The following KLHL21 variants were observed in gnomAD, a reference collection of about 807,000 sequenced individuals.
KLHL21 encodes kelch like family member 21.
Under a neutral mutation model 44.1 loss-of-function variants are expected in KLHL21, and 42 were observed. The observed-to-expected ratio is 0.95, with a 90% CI of 0.74 to 1.23. The LOEUF (loss-of-function observed/expected upper bound fraction) is 1.23. KLHL21 is among the 50% of genes most tolerant of loss of function. The pLI, the probability that KLHL21 is intolerant of heterozygous loss-of-function variation, is 0.00. For missense variants in KLHL21, 918 were observed against 889.1 expected (o/e 1.03, Z -0.41); for synonymous variants, 524 against 411.6 (o/e 1.27, Z -3.31).
chr1:6,599,530 G>A (rs1207516405), intron 1 of KLHL21, 78 bp from the exon 2 acceptor site: 15 of 1,432,436 alleles, frequency 1.0e-5, no homozygotes, highest in Admixed American at 2.2e-5. Context: ...ACTTCCGCAA[G>A]GGCCTCTGCC....
rs143513148 is a variant in KLHL21 at position 6,593,396 on chromosome 1, C to T, written c.1763G>A (p.Arg588Gln). 5.9e-5 allele frequency: 95 copies of T among 1,604,710 alleles called. No individual in the cohort carries two copies. In the African/African-American group the frequency reaches 1.0e-3, roughly 17 times the overall value. ...CAGCTCATCGGGGTCCCGCGGCGGC[C>T]GGGGTCGGCCTGGGTCCATGTCATC... is the stretch of plus-strand genomic sequence containing the variant. ...GSDDMDPGRPRPPRDPDELH is the reference protein window; with the variant it reads ...GSDDMDPGRPQPPRDPDELH The change falls in exon 4 of 4, where the codon CGG becomes CAG. Residue 588 changes from arginine (R) to glutamine (Q), a missense_variant. Coordinates refer to ENST00000377658, the MANE Select transcript of KLHL21 (RefSeq NM_014851.4).
chr1:6,602,287 T>G lies in KLHL21; in HGVS notation c.531A>C (p.Pro177=). The change falls in exon 1 of 4, where the codon CCA becomes CCC. Residue 177 remains proline, a synonymous_variant. Coordinates refer to ENST00000377658, the MANE Select transcript of KLHL21 (RefSeq NM_014851.4). ...ELGAEQLERL[P]LARLLRYLRD... ...GCAGGTAGCGCAGCAGGCGCGCCAG[T>G]GGCAGCCGCTCCAGCTGCTCGGCGC... 6.4e-7 allele frequency: 1 copy of G among 1,556,296 alleles called. No homozygotes were observed. Among genetic ancestry groups the G allele is most frequent in the Admixed American group, 1.8e-5 (1 of 54,702 alleles).
At position 6,602,656 on chromosome 1, in the gene KLHL21, C is replaced by T. The variant is rs756652603; in HGVS notation, c.162G>A (p.Leu54=). The change falls in exon 1 of 4, where the codon CTG becomes CTA. Residue 54 remains leucine (L), a synonymous_variant. Transcript: ENST00000377658. ...CGCGGAAGTAGGGGCTGGCGGCGGC[C>T]AGCACCGCACGGTGCGCCGGGAAGT... ...GRDFPAHRAV[L]AAASPYFRAM... is the part of the protein sequence containing the mutation. 8 of 1,509,686 alleles carry T rather than the reference C, an allele frequency of 5.3e-6. No individual in the cohort carries two copies. In the Middle Eastern group the frequency reaches 9.5e-4, roughly 179 times the overall value. 93.5% of individuals were successfully genotyped at this position (1,509,686 alleles called of 1,614,324 possible).
chr1:6,601,838 C>T lies in KLHL21; in HGVS notation c.980G>A (p.Gly327Asp), dbSNP rs1227951241. Residue 327 changes from glycine to aspartate, a missense_variant, in exon 1 of 4, where the codon GGC (glycine) becomes GAC (aspartate). Gly to Asp is a moderately conservative substitution (Grantham distance 94, BLOSUM62 -1). Transcript: ENST00000377658. ...ATTGCCCAGCGCCACGATGCTGTAG[C>T]CTCCGCCCAGGTGGTCTGGGAACTC... Reference protein sequence around the residue: ...LAEFPDHLGGGYSIVALGNDI... With the variant: ...LAEFPDHLGGDYSIVALGNDI... The T allele has an allele frequency of 6.9e-6, 11 of 1,585,652 alleles. No individual in the cohort carries two copies. Among genetic ancestry groups the T allele is most frequent in the Non-Finnish European group, 9.4e-6 (11 of 1,166,926 alleles).
At position 6,599,056 on chromosome 1, in the gene KLHL21, T is replaced by A; in HGVS notation, c.1418A>T (p.Tyr473Phe). 6.3e-7 allele frequency: 1 copy of A among 1,585,262 alleles called. No individual in the cohort carries two copies. The change falls in exon 2 of 4, where the codon TAC becomes TTC. Residue 473 changes from tyrosine to phenylalanine, a missense_variant. Physicochemically the swap from Tyr to Phe is conservative, Grantham distance 22 (BLOSUM62 3). Coordinates refer to ENST00000377658, the MANE Select transcript of KLHL21 (RefSeq NM_014851.4). ...PKTATLNGLM[Y>F]FVRDDSAEVD... ...GGCACCTGGAACTCACCTGACAAAG[T>A]ACATGAGTCCGTTTAGAGTCGCAGT...
chr1:6,602,766 C>T lies in KLHL21; in HGVS notation c.52G>A (p.Ala18Thr). 1 of 1,490,636 alleles carries T rather than the reference C, an allele frequency of 6.7e-7. No individual in the cohort carries two copies. The highest frequency in any genetic ancestry group is 8.9e-7 in the Non-Finnish European group (1 of 1,128,668). 92.3% of individuals were successfully genotyped at this position (1,490,636 alleles called of 1,614,324 possible). The change falls in exon 1 of 4, where the codon GCC becomes ACC. Residue 18 changes from alanine to threonine, a missense_variant. By Grantham distance (58) the Ala-to-Thr change is moderately conservative. Transcript: ENST00000377658. Reference sequence around the variant, plus strand: ...CTCAGGCCGCGCAGCAGGCTCAGGGCGTGCGCGGGGTCCGAGAAGGGAAGC... The same window carrying T: ...CTCAGGCCGCGCAGCAGGCTCAGGGTGTGCGCGGGGTCCGAGAAGGGAAGC... ...AVLPFSDPAHALSLLRGLSQL... is the reference protein window; with the variant it reads ...AVLPFSDPAHTLSLLRGLSQL...
chr1:6,602,134 G>C lies in KLHL21; in HGVS notation c.684C>G (p.Phe228Leu). 7.0e-7 allele frequency: 1 copy of C among 1,428,150 alleles called. No individual in the cohort carries two copies. The highest frequency in any genetic ancestry group is 9.1e-7 in the Non-Finnish European group (1 of 1,099,790). 88.5% of individuals were successfully genotyped at this position (1,428,150 alleles called of 1,614,324 possible). ...GCGCCAACAGGTAGAAGCGGCGCAC[G>C]AAGGGCAGGCGCACGGCCTCCAGCA... ...PQLLEAVRLP[F>L]VRRFYLLAHV... is the part of the protein sequence containing the mutation. Residue 228 changes from phenylalanine to leucine, a missense_variant, in exon 1 of 4, where the codon TTC (phenylalanine) becomes TTG (leucine). Physicochemically the swap from Phe to Leu is conservative, Grantham distance 22. Transcript: ENST00000377658.
Position 6,602,389 on chromosome 1 carries a change from G to A in KLHL21, c.429C>T (p.Asp143=), listed in dbSNP as rs1297861804. The A allele has an allele frequency of 1.3e-6, 2 of 1,594,054 alleles. No individual in the cohort carries two copies. The highest frequency in any genetic ancestry group is 1.1e-5 in the South Asian group (1 of 88,606). ...CCGAGCAGCTGAAGGCCTCAGCGAA[G>A]TCCTGCATGTCCAGGCAGTTGGCCA... is the stretch of plus-strand genomic sequence containing the variant. ...LDLANCLDMQ[D]FAEAFSCSGL... Residue 143 remains aspartate, a synonymous_variant, in exon 1 of 4, where the codon GAC becomes GAT. Transcript: ENST00000377658.
intron 2 of KLHL21, among the ~76,000 whole-genome samples, chr1:6,596,409 A>C (rs1640928022): frequency 6.6e-6 from 1 of 152,170 alleles, no homozygotes; most frequent in Non-Finnish European, 1.5e-5. Flanking sequence ...CCAGCCTGGG[A>C]GGCATAGTGA....
In KLHL21 at chr1:6,595,527, G is replaced by A. The variant is rs1035641767; in HGVS notation, c.1458C>T (p.Asn486=). The change falls in exon 3 of 4, where the codon AAC becomes AAT. Residue 486 remains asparagine (N), a synonymous_variant. Coordinates refer to ENST00000377658, the MANE Select transcript of KLHL21 (RefSeq NM_014851.4). ...RDDSAEVDVY[N]PTRNEWDKIP... ...TCTTGTCCCATTCGTTCCTCGTCGG[G>A]TTGTACACGTCCACCTCAGCGGAGT... 3.2e-5 allele frequency: 51 copies of A among 1,614,020 alleles called. No individual in the cohort carries two copies. The highest frequency in any genetic ancestry group is 4.2e-5 in the Non-Finnish European group (50 of 1,180,034).
chr1:6,597,766 G>A (rs1278472929), intron 2 of KLHL21, among the ~76,000 whole-genome samples: 2 of 152,238 alleles, frequency 1.3e-5, no homozygotes, highest in African/African-American at 4.8e-5. Context: ...GCCCCAGCAC[G>A]AAAGGGCACA....
intron 2 of KLHL21, among the ~76,000 whole-genome samples, chr1:6,597,903 G>A (rs574219690): frequency 1.3e-5 from 2 of 152,356 alleles, no homozygotes; most frequent in South Asian, 4.1e-4. Context: ...GGGCTGCCCC[G>A]TGCCATCATT....
chr1:6,599,421 G>A lies in KLHL21; in HGVS notation c.1053C>T (p.Cys351=), dbSNP rs756019476. 17 of 1,612,060 alleles carry A rather than the reference G, an allele frequency of 1.1e-5. No individual in the cohort carries two copies. Among genetic ancestry groups the A allele is most frequent in the African/African-American group, 5.3e-5 (4 of 74,890 alleles). ...TCACGCTTGAGTTGTACCTCCACACGCAGTCATAGAGCCGGGAGCCATCGG... is the reference window on the plus strand; with the variant it reads ...TCACGCTTGAGTTGTACCTCCACACACAGTCATAGAGCCGGGAGCCATCGG... ...GGSDGSRLYD[C]VWRYNSSVNE... Residue 351 remains cysteine (C), a synonymous_variant, in exon 2 of 4, where the codon TGC becomes TGT. Coordinates refer to ENST00000377658, the MANE Select transcript of KLHL21 (RefSeq NM_014851.4).
At position 6,593,632 on chromosome 1, in the gene KLHL21, GAC is replaced by G; in HGVS notation, c.1525_1526del (p.Val509ProfsTer16). 1 of 1,591,406 alleles carries G rather than the reference GAC, an allele frequency of 6.3e-7. No individual in the cohort carries two copies. The highest frequency in any genetic ancestry group is 1.3e-5 in the African/African-American group (1 of 74,604). ...CAGAGACGTACAGCTTCCCCCCAAG[GAC>G]GGCCAGGCTGCCCCCCACATGTACC... ...NQVHVGGSLA[V>X]LGGKLYVSGG... is the part of the protein sequence containing the mutation. On this transcript the variant is annotated frameshift_variant, in exon 4 of 4. Coordinates refer to ENST00000377658, the MANE Select transcript of KLHL21 (RefSeq NM_014851.4). LOFTEE classifies it high-confidence loss of function.
rs1557435403 is a variant in KLHL21 at position 6,599,504 on chromosome 1, A to G, written c.1022-52T>C. 7.2e-6 allele frequency: 11 copies of G among 1,537,462 alleles called. No homozygotes were observed. The Middle Eastern group carries it at 5.4e-4, about 76-fold the overall frequency. On this transcript the variant is annotated intron_variant, in intron 1 of 3. Coordinates refer to ENST00000377658, the MANE Select transcript of KLHL21 (RefSeq NM_014851.4). The stretch of plus-strand genomic sequence containing the variant: ...ATCAGCCCACTCAGGTGAGTCACCC[A>G]CCTGCACCCTCCCGAACTTCCGCAA...
chr1:6,590,839 C>CCCTCTGGGCAGTTCA lies in KLHL21; in HGVS notation c.*2525_*2526insTGAACTGCCCAGAGG, dbSNP rs1640836992. 5.0e-6 allele frequency: 2 copies of CCCTCTGGGCAGTTCA among 398,392 alleles called. No homozygotes were observed. Among genetic ancestry groups the CCCTCTGGGCAGTTCA allele is most frequent in the Non-Finnish European group, 8.9e-6 (2 of 225,946 alleles). 24.7% of individuals were successfully genotyped at this position (398,392 alleles called of 1,614,324 possible). A position where few individuals can be genotyped will look rare whatever the true frequency, so the allele number is the denominator to read the frequency against. Reference sequence around the variant, plus strand: ...AAAATAAATATGTCAACCTGCCCGACCCTCTGGGGTGAACTGGATGTGGAC... The same window carrying CCCTCTGGGCAGTTCA: ...AAAATAAATATGTCAACCTGCCCGACCCTCTGGGCAGTTCACCTCTGGGGTGAACTGGATGTGGAC... On this transcript the variant is annotated 3_prime_UTR_variant, in exon 4 of 4. Coordinates refer to ENST00000377658, the MANE Select transcript of KLHL21 (RefSeq NM_014851.4).
chr1:6,595,241 C>A, intron 3 of KLHL21: 1 of 615,570 alleles, frequency 1.6e-6, no homozygotes, highest in Non-Finnish European at 2.9e-6. Flanking sequence ...TGCTCTCTGG[C>A]TCACAGCAGA....
intron 2 of KLHL21, among the ~76,000 whole-genome samples, chr1:6,596,150 G>C (rs1329477307): frequency 6.6e-6 from 1 of 152,266 alleles, no homozygotes; most frequent in Non-Finnish European, 1.5e-5. Context: ...CTGTAATGCA[G>C]CACTTTGGGA....
In KLHL21 at chr1:6,592,454, C is replaced by A. The variant is rs1346312849; in HGVS notation, c.*911G>T. 1 of 152,242 alleles carries A rather than the reference C, an allele frequency of 6.6e-6. No homozygotes were observed. Among genetic ancestry groups the A allele is most frequent in the East Asian group, 1.9e-4 (1 of 5,192 alleles). 9.4% of individuals were successfully genotyped at this position (152,242 alleles called of 1,614,324 possible). The stretch of plus-strand genomic sequence containing the variant: ...GACTGGACAAATCAAACAAAGCTGA[C>A]CCTGTAGAGCTCCTTCTTCTTCCCA... On this transcript the variant is annotated 3_prime_UTR_variant, in exon 4 of 4. Transcript: ENST00000377658.
Sources: allele counts gnomAD v4.1 joint callset (sites outside exome capture counted in the v4.1 genomes callset), GRCh38; gene constraint gnomAD v4.1.1; transcripts MANE v1.5; gene names NCBI Gene and HGNC (gene_info 2026-07-23, HGNC 2026-07-21).